CREBBP: variants seen among roughly 807,000 people sequenced by gnomAD.
CREBBP encodes CREB binding lysine acetyltransferase, also known as CREB-binding protein.
CREBBP carries 19 observed loss-of-function variants against 265.0 expected under a neutral mutation model. The observed-to-expected ratio is 0.07, with a 90% CI of 0.05 to 0.11. The LOEUF is 0.11. Ranked by LOEUF, CREBBP falls within the 10% of genes least tolerant of loss-of-function variation. CREBBP has a pLI of 1.00. For missense variants in CREBBP, 2,525 were observed against 3,219.0 expected, an observed-to-expected ratio of 0.78 and a Z score of 5.22; for synonymous variants, 1,457 against 1,223.7, an observed-to-expected ratio of 1.19 and a Z score of -3.98.
At chr16:3,851,850 G>C (rs1166112174) in intron 1 of CREBBP, among the ~76,000 whole-genome samples, 1 of 83,218 alleles carries the variant, frequency 1.2e-5, no homozygotes, top group East Asian at 4.0e-4. Context: ...GACAGAGCGA[G>C]ACTCCGTCTC....
intron 2 of CREBBP, among the ~76,000 whole-genome samples, chr16:3,838,802 G>A (rs780242827): frequency 2.4e-4 from 37 of 152,022 alleles, no homozygotes; most frequent in Non-Finnish European, 5.0e-4. Context: ...TCCCACCTCC[G>A]CCTCCCAAGT....
intron 21 of CREBBP, among the ~76,000 whole-genome samples, chr16:3,748,727 C>T (rs374871079): frequency 2.4e-4 from 37 of 152,244 alleles, no homozygotes; most frequent in African/African-American, 8.4e-4. Flanking sequence ...ATTTGGAGCG[C>T]CCTCAGAACT....
intron 28 of CREBBP, among the ~76,000 whole-genome samples, chr16:3,735,234 T>G (rs942861101): frequency 4.6e-5 from 7 of 152,150 alleles, no homozygotes; most frequent in Admixed American, 6.5e-5. Flanking sequence ...ACACCATGCT[T>G]GGGTCTGGGT....
intron 23 of CREBBP, among the ~76,000 whole-genome samples, chr16:3,744,048 C>T (rs1025357136): frequency 3.9e-5 from 6 of 152,108 alleles, no homozygotes; most frequent in Non-Finnish European, 8.8e-5. Context: ...TGCACTCCAG[C>T]CTGGCGACAG....
At chr16:3,745,069 T>C (rs1596823643) in intron 22 of CREBBP, 108 bp from the exon 23 acceptor site, 3 of 979,084 alleles carry the variant, frequency 3.1e-6, no homozygotes, top group East Asian at 2.6e-5. Context: ...CACATTATTA[T>C]AAAATTAAAG....
intron 14 of CREBBP, among the ~76,000 whole-genome samples, chr16:3,770,267 T>C (rs1341159155): frequency 6.6e-6 from 1 of 152,146 alleles, no homozygotes; most frequent in South Asian, 2.1e-4. Context: ...CTGTAACCTG[T>C]ACCTCCTAGG....
intron 2 of CREBBP, 70 bp downstream of exon 2, chr16:3,850,227 T>C: frequency 6.6e-7 from 1 of 1,526,290 alleles, no homozygotes; most frequent in Non-Finnish European, 9.1e-7. Context: ...CGTGGTCCCA[T>C]TTTACGCATT....
chr16:3,850,191 C>A, intron 2 of CREBBP, 106 bp downstream of exon 2: 5 of 1,103,368 alleles, frequency 4.5e-6, no homozygotes, highest in Non-Finnish European at 7.0e-6. Flanking sequence ...CGTGGAGAGC[C>A]CAAGAGGAAA....
At chr16:3,772,328 A>ACAC (rs2053032131) in intron 13 of CREBBP, among the ~76,000 whole-genome samples, 2 of 145,258 alleles carry the variant, frequency 1.4e-5, no homozygotes, top group Admixed American at 6.8e-5. Flanking sequence ...CTGAAACACA[A>ACAC]ACACACACAC....
chr16:3,824,391 G>A (rs2141390266), intron 2 of CREBBP, among the ~76,000 whole-genome samples: 1 of 152,356 alleles, frequency 6.6e-6, no homozygotes, highest in South Asian at 2.1e-4. Context: ...CAAAAAAGTG[G>A]TAGGATGTGC....
chr16:3,812,077 G>C (rs1348904046), intron 2 of CREBBP, among the ~76,000 whole-genome samples: 2 of 152,106 alleles, frequency 1.3e-5, no homozygotes, highest in African/African-American at 4.8e-5. Context: ...GGCATAGATG[G>C]AGAGAGCCTG....
intron 10 of CREBBP, 37 bp downstream of exon 10, chr16:3,777,973 AC>A: frequency 6.2e-7 from 1 of 1,608,586 alleles, no homozygotes; most frequent in Non-Finnish European, 8.5e-7. Context: ...AACCAAGGAA[AC>A]AGGCTAAGGG....
intron 14 of CREBBP, 70 bp from the exon 15 acceptor site, chr16:3,769,423 A>C (rs1249704293): frequency 7.0e-6 from 11 of 1,565,716 alleles, no homozygotes; most frequent in Non-Finnish European, 9.7e-6. Flanking sequence ...TATGCTGCTC[A>C]TGCAACCTAC....
At chr16:3,828,814 A>G (rs1018171803) in intron 2 of CREBBP, among the ~76,000 whole-genome samples, 3 of 152,234 alleles carry the variant, frequency 2.0e-5, no homozygotes, top group African/African-American at 7.2e-5. Context: ...GTGGTTCAGA[A>G]TATTTTACTC....
At chr16:3,799,195 T>C (rs1567322518) in intron 3 of CREBBP, among the ~76,000 whole-genome samples, 2 of 152,220 alleles carry the variant, frequency 1.3e-5, no homozygotes, top group African/African-American at 2.4e-5. Flanking sequence ...TAACTGCTAA[T>C]GGTACTAGGT....
Position 3,728,198 on chromosome 16 carries a change from G to A in CREBBP, c.6849C>T (p.Ser2283=), listed in dbSNP as rs148904096. The part of the protein sequence containing the change: ...QMGQPGLGAD[S]TPNIQQALQQ... ...GCAGGGCTTGCTGGATGTTGGGGGT[G>A]CTGTCTGCCCCCAGCCCCGGCTGCC... is the stretch of plus-strand genomic sequence containing the variant. Residue 2283 remains serine (S), a synonymous_variant, in exon 31 of 31, where the codon AGC becomes AGT. Coordinates refer to ENST00000262367, the MANE Select transcript of CREBBP (RefSeq NM_004380.3). The surrounding 1 kb of genome is among the most constrained non-coding windows in gnomAD (Gnocchi z 8.7). 5.5e-4 allele frequency: 881 copies of A among 1,613,842 alleles called. 3 individuals are homozygous for A. In the African/African-American group the frequency reaches 8.5e-3, roughly 16 times the overall value.
At chr16:3,868,274 TAAAAG>T (rs1430878538) in intron 1 of CREBBP, among the ~76,000 whole-genome samples, 1 of 128,874 alleles carries the variant, frequency 7.8e-6, no homozygotes, top group African/African-American at 2.5e-5. Flanking sequence ...AAAAAACTTT[TAAAAG>T]AAAATTGTTT....
chr16:3,765,212 G>A (rs1396123479), intron 16 of CREBBP, among the ~76,000 whole-genome samples: 1 of 152,204 alleles, frequency 6.6e-6, no homozygotes. Flanking sequence ...TGCTGACCTC[G>A]TGATCTGCCT....
chr16:3,803,478 C>T (rs1426940542), intron 3 of CREBBP, among the ~76,000 whole-genome samples: 3 of 151,954 alleles, frequency 2.0e-5, no homozygotes, highest in African/African-American at 7.3e-5. Context: ...GCACTCTAGC[C>T]TGGGCGACAG....
Sources: gnomAD v4.1 joint callset for allele counts (sites outside exome capture counted in the v4.1 genomes callset) on GRCh38, gnomAD v4.1.1 for gene constraint, Gnocchi (gnomAD v3.1) non-coding constraint, MANE v1.5 for transcripts, NCBI Gene and HGNC (gene_info 2026-07-23, HGNC 2026-07-21) for gene names.